Variants in PPM1A observed in about 807,000 individuals in gnomAD.
The protein encoded by PPM1A is protein phosphatase 1A.
A neutral mutation model predicts 35.0 loss-of-function variants in PPM1A; 7 were observed. That is an observed-to-expected ratio of 0.20 (90% CI 0.11 to 0.38). The LOEUF (loss-of-function observed/expected upper bound fraction) is 0.38. Among genes scored for constraint, PPM1A ranks in the 10% least tolerant of loss-of-function variants. The pLI is 1.00. For missense variants in PPM1A, 239 were observed against 467.8 expected (o/e 0.51, Z 4.51); for synonymous variants, 153 against 167.3 (o/e 0.91, Z 0.66).
intron 1 of PPM1A, chr14:60,268,418 T>C: frequency 2.1e-6 from 2 of 965,248 alleles, no homozygotes; most frequent in Admixed American, 6.1e-5. Flanking sequence ...TTTACAACAA[T>C]AAAATTCTAT....
intron 1 of PPM1A, among the ~76,000 whole-genome samples, chr14:60,272,078 A>G (rs1230165729): frequency 6.8e-6 from 1 of 146,190 alleles, no homozygotes; most frequent in African/African-American, 2.5e-5. Flanking sequence ...ATGTGCTTTG[A>G]TGTTGATGTG....
At chr14:60,266,669 A>G (rs993962839) in intron 1 of PPM1A, among the ~76,000 whole-genome samples, 4 of 152,192 alleles carry the variant, frequency 2.6e-5, no homozygotes, top group Non-Finnish European at 4.4e-5. Flanking sequence ...TATTCCACTG[A>G]TAAATTTATT....
intron 1 of PPM1A, among the ~76,000 whole-genome samples, chr14:60,264,958 AGTT>A (rs1457249236): frequency 1.3e-5 from 2 of 152,088 alleles, no homozygotes; most frequent in African/African-American, 4.8e-5. Flanking sequence ...AATGAATTAC[AGTT>A]GTTGATTTTA....
Position 60,298,634 on chromosome 14 carries a change from C to G in PPM1A, c.*6152C>G, listed in dbSNP as rs948372677. The G allele has an allele frequency of 6.6e-6, 1 of 151,492 alleles. No individual in the cohort carries two copies. The allele number at this position is 151,492 out of a possible 1,614,324, so 9.4% of individuals were successfully genotyped here. A position where few individuals can be genotyped will look rare whatever the true frequency, so the allele number is the denominator to read the frequency against. ...AATATCTTGTTTGTAGTGATATGCC[C>G]CAATAGTGATTGATTTCACTCTTGA... is the stretch of plus-strand genomic sequence containing the variant. On this transcript the variant is annotated 3_prime_UTR_variant, in exon 6 of 6. Transcript: ENST00000395076.
chr14:60,266,758 T>A (rs1405757769), intron 1 of PPM1A, among the ~76,000 whole-genome samples: 1 of 152,194 alleles, frequency 6.6e-6, no homozygotes, highest in East Asian at 1.9e-4. Flanking sequence ...CTCATGATTT[T>A]AAGAATGTTT....
chr14:60,271,784 T>G (rs1044387835), intron 1 of PPM1A, among the ~76,000 whole-genome samples: 1 of 147,134 alleles, frequency 6.8e-6, no homozygotes, highest in African/African-American at 2.5e-5. Flanking sequence ...GAATAAGAGG[T>G]TTTTTTTTTA....
chr14:60,286,938 G>C, intron 3 of PPM1A: 1 of 897,458 alleles, frequency 1.1e-6, no homozygotes, highest in Non-Finnish European at 1.3e-6. Flanking sequence ...TTCAATATAA[G>C]TTATTTATAG....
At chr14:60,268,235 A>G in intron 1 of PPM1A, 1 of 936,402 alleles carries the variant, frequency 1.1e-6, no homozygotes, top group Non-Finnish European at 1.3e-6. Flanking sequence ...TTTGTTTTTC[A>G]TGAGCTCTGA....
Position 60,292,453 on chromosome 14 carries a change from G to A in PPM1A, c.1120G>A (p.Asp374Asn), listed in dbSNP as rs1887741512. ...CCTTATTTTGCTTCCTTTTACAAAG[G>A]ACTCTACATCAACAGATGATATGTG... Reference protein sequence around the residue: ...RLNPYKNDDTDSTSTDDMW With the variant: ...RLNPYKNDDTNSTSTDDMW Residue 374 changes from aspartate to asparagine, a missense_variant and splice_region_variant, in exon 6 of 6, where the codon GAC (aspartate) becomes AAC (asparagine). Coordinates refer to ENST00000395076, the MANE Select transcript of PPM1A (RefSeq NM_021003.5). The surrounding 1 kb of genome is among the most constrained non-coding windows in gnomAD (Gnocchi z 4.2). The A allele has an allele frequency of 6.3e-7, 1 of 1,599,768 alleles. No individual in the cohort carries two copies. The highest frequency in any genetic ancestry group is 1.3e-5 in the African/African-American group (1 of 74,438).
intron 1 of PPM1A, among the ~76,000 whole-genome samples, chr14:60,271,070 C>G (rs962028527): frequency 3.3e-5 from 5 of 152,142 alleles, no homozygotes; most frequent in Non-Finnish European, 5.9e-5. Context: ...TGCTCACTCC[C>G]GAGGCTTTAA....
At chr14:60,287,338 T>G (rs1887121857) in intron 3 of PPM1A, 2 of 984,284 alleles carry the variant, frequency 2.0e-6, no homozygotes, top group South Asian at 9.4e-5. Flanking sequence ...TATGTTAAAG[T>G]GTTATTATAC....
intron 2 of PPM1A, among the ~76,000 whole-genome samples, chr14:60,284,621 G>A (rs533022775): frequency 6.9e-6 from 1 of 144,942 alleles, no homozygotes; most frequent in Non-Finnish European, 1.5e-5. Context: ...CAGCCTGGGC[G>A]ACAGAGCGAG....
In PPM1A at chr14:60,249,975, C is replaced by T. The variant is rs1216641591; in HGVS notation, c.-21+298C>T. 5.9e-5 allele frequency among the ~76,000 whole-genome samples: 9 copies of T among 151,526 alleles called. No individual in the cohort carries two copies. The highest frequency in any genetic ancestry group is 5.9e-4 in the Admixed American group (9 of 15,250). ...CCGCGGCCGAGATGGGTGTTTGTGGCGGCGAAGCAGGCGACGGCCGCAGGC... is the reference window on the plus strand; with the variant it reads ...CCGCGGCCGAGATGGGTGTTTGTGGTGGCGAAGCAGGCGACGGCCGCAGGC... On this transcript the variant is annotated intron_variant, in intron 1 of 5. Transcript: ENST00000395076. This position sits in a 1 kb window ranked among gnomAD's most constrained non-coding sequence, Gnocchi z 4.5.
chr14:60,285,572 C>T (rs1886926557), intron 2 of PPM1A, 52 bp from the exon 3 acceptor site: 9 of 1,572,130 alleles, frequency 5.7e-6, no homozygotes, highest in Non-Finnish European at 7.8e-6. Context: ...GTTCTCAAGG[C>T]TTTGAAGAGC....
rs1180670732 is a variant in PPM1A at position 60,282,953 on chromosome 14, G to C, written c.250G>C (p.Asp84His). 1 of 1,614,206 alleles carries C rather than the reference G, an allele frequency of 6.2e-7. No homozygotes were observed. The highest frequency in any genetic ancestry group is 8.5e-7 in the Non-Finnish European group (1 of 1,180,032). ...GTTAGATCACATCACCAATAACCAG[G>C]ATTTTAAAGGGTCTGCAGGAGCACC... ...HLLDHITNNQ[D>H]FKGSAGAPSV... is the part of the protein sequence containing the mutation. Residue 84 changes from aspartate (D) to histidine (H), a missense_variant, in exon 2 of 6, where the codon GAT becomes CAT. By Grantham distance (81) the Asp-to-His change is moderately conservative. This residue lies in a region of PPM1A where 175 missense variants were observed against 389.2 expected (regional missense o/e 0.45). Transcript: ENST00000395076. The surrounding 1 kb of genome is among the most constrained non-coding windows in gnomAD (Gnocchi z 5.1).
intron 1 of PPM1A, chr14:60,268,352 T>G (rs1884642006): frequency 2.0e-6 from 2 of 977,162 alleles, no homozygotes; most frequent in African/African-American, 3.5e-5. Flanking sequence ...CCGAGAACTG[T>G]TACTTTCCTC....
At chr14:60,285,795 A>T (rs746303039) in intron 3 of PPM1A, 54 bp downstream of exon 3, 2 of 1,594,528 alleles carry the variant, frequency 1.3e-6, no homozygotes, top group African/African-American at 2.7e-5. Flanking sequence ...TCTTCAACAC[A>T]ATCAAACTTT....
chr14:60,255,159 G>GTTTTTTTTTTTTTTTTTTTT (rs869066455), intron 1 of PPM1A, among the ~76,000 whole-genome samples: 1 of 100,862 alleles, frequency 9.9e-6, no homozygotes, highest in Non-Finnish European at 1.8e-5. Flanking sequence ...TCTATCATAT[G>GTTTTTTTTTTTTTTTTTTTT]TTTTTTTTTT....
chr14:60,264,325 AT>A lies in PPM1A; in HGVS notation c.-21+14658del, dbSNP rs148686795. On this transcript the variant is annotated intron_variant, in intron 1 of 5. Coordinates refer to ENST00000395076, the MANE Select transcript of PPM1A (RefSeq NM_021003.5). ...CCTAATTGTTATGCTTCTGTATGTA[AT>A]TTTTTTTTTCTGGTAGTTTTTTAAA... Among the ~76,000 whole-genome samples the A allele has an allele frequency of 3.2e-3, 479 of 149,764 alleles. 3 individuals are homozygous for A. Among genetic ancestry groups the A allele is most frequent in the South Asian group, 4.9e-3 (23 of 4,722 alleles).
Sources: allele counts gnomAD v4.1 joint callset (sites outside exome capture counted in the v4.1 genomes callset), GRCh38; gene constraint gnomAD v4.1.1; regional missense constraint gnomAD v4.1.1; non-coding constraint Gnocchi (gnomAD v3.1); transcripts MANE v1.5; gene names NCBI Gene and HGNC (gene_info 2026-07-23, HGNC 2026-07-21).